CCP110: variants seen among roughly 807,000 people sequenced by gnomAD.
CCP110 encodes centriolar coiled-coil protein of 110 kDa.
Under a neutral mutation model 105.5 loss-of-function variants are expected in CCP110, and 43 were observed. The ratio of observed to expected loss-of-function variants is 0.41; its 90% CI spans 0.32 to 0.53. CCP110 has a LOEUF of 0.53. CCP110 is among the 20% of genes least tolerant of loss of function. CCP110 has a pLI of 0.32. For missense variants in CCP110, 1,016 were observed against 1,189.1 expected, an observed-to-expected ratio of 0.85 and a Z score of 2.14; for synonymous variants, 353 against 392.1, an observed-to-expected ratio of 0.90 and a Z score of 1.18.
exon 10 of CCP110, chr16:19,545,109 T>C: frequency 6.2e-7 from 1 of 1,608,136 alleles, no homozygotes; most frequent in Non-Finnish European, 8.5e-7. Context: ...AGCTGCCTTG[T>C]ACGGTATTCA....
chr16:19,552,885 T>A (rs1028471314), exon 15 of CCP110: 2 of 152,204 alleles, frequency 1.3e-5, no homozygotes, highest in Non-Finnish European at 2.9e-5. Flanking sequence ...ATGTATTGAA[T>A]GAGTGAACCA....
Position 19,551,510 on chromosome 16 carries a change from T to A in CCP110, c.*262T>A, listed in dbSNP as rs868792105. On this transcript the variant is annotated 3_prime_UTR_variant, in exon 15 of 15. Coordinates refer to ENST00000381396, the Ensembl canonical transcript of CCP110. ...GTGCTTACCTATACAAACATAAGTT[T>A]ATTTTATATGCCCAGATGTCTACAG... 6.7e-6 allele frequency: 3 copies of A among 450,814 alleles called. No homozygotes were observed. The Middle Eastern group carries it at 1.5e-3, about 223-fold the overall frequency. 27.9% of individuals were successfully genotyped at this position (450,814 alleles called of 1,614,324 possible).
At chr16:19,534,940 A>T (rs1041978519) in intron 3 of CCP110, among the ~76,000 whole-genome samples, 15 of 135,952 alleles carry the variant, frequency 1.1e-4, no homozygotes, top group Non-Finnish European at 2.1e-4. Flanking sequence ...GAGTGCAGTG[A>T]CGTGATCTTG....
Position 19,546,360 on chromosome 16 carries a change from G to A in CCP110, c.2778-52G>A, listed in dbSNP as rs1315995507. On this transcript the variant is annotated intron_variant, in intron 11 of 14. Transcript: ENST00000381396. ...CATCCTGTATTACATTTGTAAGCAT[G>A]TTTTCTTCCCTTCTCTAAATACATT... 3 of 1,052,078 alleles carry A rather than the reference G, an allele frequency of 2.9e-6. No homozygotes were observed. The African/African-American group carries it at 4.8e-5, about 17-fold the overall frequency. 65.2% of individuals were successfully genotyped at this position (1,052,078 alleles called of 1,614,324 possible). A position where few individuals can be genotyped will look rare whatever the true frequency, so the allele number is the denominator to read the frequency against.
At chr16:19,534,512 A>T (rs1033306174) in intron 3 of CCP110, among the ~76,000 whole-genome samples, 2 of 152,172 alleles carry the variant, frequency 1.3e-5, no homozygotes, top group Admixed American at 1.3e-4. Context: ...TAGCTTCCGA[A>T]TATCACAAAT....
chr16:19,552,724 T>C (rs565899199), exon 15 of CCP110: 1 of 152,212 alleles, frequency 6.6e-6, no homozygotes, highest in Non-Finnish European at 1.5e-5. Context: ...GCAACCTATA[T>C]ATATTCTTAA....
chr16:19,527,908 A>G, exon 2 of CCP110: 1 of 1,613,662 alleles, frequency 6.2e-7, no homozygotes, highest in Non-Finnish European at 8.5e-7. Context: ...AGTTCTGTGA[A>G]AAAAGTCTTG....
intron 2 of CCP110, among the ~76,000 whole-genome samples, chr16:19,528,254 G>A (rs1446694227): frequency 6.6e-6 from 1 of 152,162 alleles, no homozygotes; most frequent in East Asian, 1.9e-4. Context: ...CTTTTGCTAA[G>A]AGAATCAGTT....
At chr16:19,541,866 C>T (rs2151477846) in intron 5 of CCP110, 21 bp from the exon 6 acceptor site, 1 of 1,490,884 alleles carries the variant, frequency 6.7e-7, no homozygotes, top group East Asian at 2.3e-5. Context: ...TAGCATGTTA[C>T]AATAAACTGT....
chr16:19,537,838 A>T lies in CCP110; in HGVS notation c.1918+251A>T, dbSNP rs180753520. ...AGTGGCATGACTTCAGCTCACTACA[A>T]CCTCCGCCTCCTGGGCTCAAGCCAT... On this transcript the variant is annotated intron_variant, in intron 4 of 14. Coordinates refer to ENST00000381396, the Ensembl canonical transcript of CCP110. Among the ~76,000 whole-genome samples the T allele has an allele frequency of 9.1e-4, 139 of 151,932 alleles. 1 individual carries two copies. Among genetic ancestry groups the T allele is most frequent in the Admixed American group, 7.7e-3 (118 of 15,244 alleles).
At chr16:19,546,287 C>T in intron 11 of CCP110, 125 bp from the exon 12 acceptor site, 1 of 621,466 alleles carries the variant, frequency 1.6e-6, no homozygotes, top group South Asian at 2.1e-5. Context: ...ATGCTTAGTA[C>T]AGGTCTTCCA....
intron 6 of CCP110, 139 bp from the exon 7 acceptor site, chr16:19,542,482 A>G (rs182490565): frequency 2.5e-4 from 160 of 637,472 alleles, no homozygotes; most frequent in Middle Eastern, 3.8e-4. Flanking sequence ...TTTAAAGTCC[A>G]TAAATATTTT....
exon 4 of CCP110, chr16:19,535,957 T>A: frequency 2.5e-6 from 4 of 1,591,082 alleles, no homozygotes; most frequent in Non-Finnish European, 3.4e-6. Context: ...AAGCACCTAA[T>A]GCCAGTGATT....
chr16:19,546,068 C>T, intron 11 of CCP110, 178 bp downstream of exon 11: 1 of 554,294 alleles, frequency 1.8e-6, no homozygotes, highest in Non-Finnish European at 3.2e-6. Context: ...CTCATTTCAT[C>T]TTAGATGAAT....
At position 19,548,721 on chromosome 16, in the gene CCP110, TCA is replaced by T. The variant is rs1970542870; in HGVS notation, c.2986+124_2986+125del. The T allele has an allele frequency of 1.6e-6, 1 of 620,480 alleles. No homozygotes were observed. Among genetic ancestry groups the T allele is most frequent in the East Asian group, 2.8e-5 (1 of 35,740 alleles). The allele number at this position is 620,480 out of a possible 1,614,324, so 38.4% of individuals were successfully genotyped here. A position where few individuals can be genotyped will look rare whatever the true frequency, so the allele number is the denominator to read the frequency against. On this transcript the variant is annotated intron_variant, in intron 14 of 14. Coordinates refer to ENST00000381396, the Ensembl canonical transcript of CCP110. This position sits in a 1 kb window ranked among gnomAD's most constrained non-coding sequence, Gnocchi z 4.1. ...CCTTGCCACCATAATTTTGGCATAT[TCA>T]CAGTCATCTTATTAGTGTTCTTTGG... is the stretch of plus-strand genomic sequence containing the variant.
intron 14 of CCP110, among the ~76,000 whole-genome samples, chr16:19,549,318 T>C (rs1249749669): frequency 6.6e-6 from 1 of 152,202 alleles, no homozygotes; most frequent in Non-Finnish European, 1.5e-5. Context: ...TTCTAGACAT[T>C]TACAACAAAC....
chr16:19,538,927 C>T (rs1023739815), intron 4 of CCP110, among the ~76,000 whole-genome samples: 5 of 151,918 alleles, frequency 3.3e-5, no homozygotes, highest in Non-Finnish European at 5.9e-5. Context: ...AACTGACAAA[C>T]ATGGCGAAAC....
intron 2 of CCP110, among the ~76,000 whole-genome samples, chr16:19,528,657 G>A (rs2151460879): frequency 6.6e-6 from 1 of 152,218 alleles, no homozygotes; most frequent in South Asian, 2.1e-4. Context: ...TGCTTTGAGA[G>A]ACCGGAAGGA....
At chr16:19,528,723 T>A (rs146946157) in intron 2 of CCP110, among the ~76,000 whole-genome samples, 50 of 152,244 alleles carry the variant, frequency 3.3e-4, no homozygotes, top group Non-Finnish European at 5.6e-4. Flanking sequence ...TAGTGAGACC[T>A]CATCTCTATA....
Sources: allele counts gnomAD v4.1 joint callset (sites outside exome capture counted in the v4.1 genomes callset), GRCh38; gene constraint gnomAD v4.1.1; non-coding constraint Gnocchi (gnomAD v3.1); transcripts MANE v1.5; gene names NCBI Gene and HGNC (gene_info 2026-07-23, HGNC 2026-07-21).